The following PRKCE variants were observed in gnomAD, a reference collection of about 807,000 sequenced individuals.
The protein encoded by PRKCE is protein kinase C epsilon.
Under a neutral mutation model 85.4 loss-of-function variants are expected in PRKCE, and 16 were observed. That is an observed-to-expected ratio of 0.19 (90% CI 0.13 to 0.28). The LOEUF is 0.28. Ranked by LOEUF, PRKCE falls within the 10% of genes least tolerant of loss-of-function variation. PRKCE has a pLI of 1.00. For missense variants in PRKCE, 573 were observed against 975.2 expected (o/e 0.59, Z 5.49); for synonymous variants, 388 against 371.5 (o/e 1.04, Z -0.51).
intron 1 of PRKCE, among the ~76,000 whole-genome samples, chr2:45,803,575 C>T (rs1453248583): frequency 3.9e-5 from 6 of 152,102 alleles, no homozygotes; most frequent in Middle Eastern, 3.2e-3. Context: ...GGAGTGGTCA[C>T]GAGGATGCTT....
intron 11 of PRKCE, among the ~76,000 whole-genome samples, chr2:46,130,571 G>A (rs974784263): frequency 6.6e-6 from 1 of 152,174 alleles, no homozygotes; most frequent in Admixed American, 6.5e-5. Flanking sequence ...CTTTATTTCA[G>A]AATAGACTGC....
chr2:45,956,732 A>G (rs1323148591), intron 2 of PRKCE, among the ~76,000 whole-genome samples: 1 of 152,166 alleles, frequency 6.6e-6, no homozygotes. Context: ...AAGTGACAGG[A>G]CCATTTTGTA....
At chr2:45,683,120 A>T (rs1348838512) in intron 1 of PRKCE, among the ~76,000 whole-genome samples, 2 of 152,202 alleles carry the variant, frequency 1.3e-5, no homozygotes, top group Non-Finnish European at 2.9e-5. Flanking sequence ...GAATGAAAGG[A>T]TACTGGCTAG....
At chr2:45,736,779 T>C (rs1456203896) in intron 1 of PRKCE, among the ~76,000 whole-genome samples, 2 of 152,140 alleles carry the variant, frequency 1.3e-5, no homozygotes, top group Non-Finnish European at 2.9e-5. Flanking sequence ...GACATTTCTG[T>C]GGGAAGAATT....
chr2:46,060,974 C>A (rs968511281), intron 10 of PRKCE, among the ~76,000 whole-genome samples: 1 of 151,882 alleles, frequency 6.6e-6, no homozygotes, highest in African/African-American at 2.4e-5. Flanking sequence ...GTTGGCTAGG[C>A]TGGTCTTGAA....
In PRKCE at chr2:46,159,399, T is replaced by C. The variant is rs1677536266; in HGVS notation, c.1921-207T>C. On this transcript the variant is annotated intron_variant, in intron 13 of 14. Coordinates refer to ENST00000306156, the MANE Select transcript of PRKCE (RefSeq NM_005400.3). The surrounding 1 kb of genome is among the most constrained non-coding windows in gnomAD (Gnocchi z 4.1). ...CATTAGGATGAAATGAGTTGATACA[T>C]GTACCATGTCTAGAATGGTGTCTGG... Among the ~76,000 whole-genome samples, 1 of 152,234 alleles carries C rather than the reference T, an allele frequency of 6.6e-6. No homozygotes were observed. Among genetic ancestry groups the C allele is most frequent in the South Asian group, 2.1e-4 (1 of 4,830 alleles).
chr2:45,759,558 T>C (rs1684272381), intron 1 of PRKCE, among the ~76,000 whole-genome samples: 1 of 152,186 alleles, frequency 6.6e-6, no homozygotes, highest in Non-Finnish European at 1.5e-5. Flanking sequence ...GAGATGCCTG[T>C]TGTTCCTCAC....
chr2:45,872,625 A>G (rs907075460), intron 2 of PRKCE, among the ~76,000 whole-genome samples: 1 of 152,154 alleles, frequency 6.6e-6, no homozygotes, highest in Admixed American at 6.5e-5. Flanking sequence ...TAGGTTTTGG[A>G]TATATTTGAG....
chr2:45,974,551 G>T (rs1702314891), intron 2 of PRKCE, among the ~76,000 whole-genome samples: 1 of 152,206 alleles, frequency 6.6e-6, no homozygotes, highest in African/African-American at 2.4e-5. Context: ...CTGCCTGTTT[G>T]CTCAGAGGCT....
At chr2:46,150,473 T>G (rs1676511314) in intron 12 of PRKCE, among the ~76,000 whole-genome samples, 1 of 152,186 alleles carries the variant, frequency 6.6e-6, no homozygotes, top group African/African-American at 2.4e-5. Context: ...TGCAAGAGTA[T>G]AGTGGTCCTT....
rs112367586 is a variant in PRKCE, at chr2:45,958,622, C to T, written c.413-17807C>T. On this transcript the variant is annotated intron_variant, in intron 2 of 14. Coordinates refer to ENST00000306156, the MANE Select transcript of PRKCE (RefSeq NM_005400.3). ...AGATGTCCTGGCCTCTCACACACCC[C>T]CTATGCTCCCTGCCATATATATTGT... Among the ~76,000 whole-genome samples, 373 of 150,136 alleles carry T rather than the reference C, an allele frequency of 2.5e-3. 2 individuals are homozygous for T. The highest frequency in any genetic ancestry group is 8.7e-3 in the African/African-American group (357 of 41,096).
chr2:45,960,873 C>CTG (rs1225870932), intron 2 of PRKCE, among the ~76,000 whole-genome samples: 1 of 152,162 alleles, frequency 6.6e-6, no homozygotes, highest in Non-Finnish European at 1.5e-5. Context: ...GTTTTCCTAC[C>CTG]TGCCCAGCAC....
At chr2:46,045,197 A>G (rs1480890493) in intron 10 of PRKCE, among the ~76,000 whole-genome samples, 3 of 152,190 alleles carry the variant, frequency 2.0e-5, no homozygotes, top group African/African-American at 7.2e-5. Flanking sequence ...GGAACATTTA[A>G]TTTGAGTTAC....
At chr2:45,752,074 T>C (rs10189634) in intron 1 of PRKCE, among the ~76,000 whole-genome samples, 96,317 of 150,794 alleles carry the variant, frequency 0.64, 31,559 homozygotes, top group African/African-American at 0.79. Flanking sequence ...GCCTCGGCCT[T>C]CCAAAGTGCT....
At chr2:46,142,326 G>A (rs969312183) in intron 11 of PRKCE, among the ~76,000 whole-genome samples, 3 of 152,132 alleles carry the variant, frequency 2.0e-5, no homozygotes, top group Non-Finnish European at 4.4e-5. Context: ...TGGAACCGAA[G>A]ACCCCCAGAG....
At chr2:45,709,583 G>A (rs570617159) in intron 1 of PRKCE, among the ~76,000 whole-genome samples, 2 of 152,194 alleles carry the variant, frequency 1.3e-5, no homozygotes, top group African/African-American at 4.8e-5. Context: ...TCCCCATTCT[G>A]GATTCCAAGG....
intron 1 of PRKCE, among the ~76,000 whole-genome samples, chr2:45,692,791 C>G (rs1179788086): frequency 6.6e-6 from 1 of 152,120 alleles, no homozygotes; most frequent in Non-Finnish European, 1.5e-5. Context: ...ACATCTATCA[C>G]ATGATGTAGA....
intron 2 of PRKCE, among the ~76,000 whole-genome samples, chr2:45,867,040 G>T (rs1309736910): frequency 6.6e-6 from 1 of 152,182 alleles, no homozygotes. Flanking sequence ...TAGGGGTGGG[G>T]TCCAGGCCTC....
At chr2:45,858,270 T>C (rs1692839953) in intron 2 of PRKCE, among the ~76,000 whole-genome samples, 1 of 152,240 alleles carries the variant, frequency 6.6e-6, no homozygotes, top group Non-Finnish European at 1.5e-5. Flanking sequence ...GCTTTTATTT[T>C]TAATTTTTTT....
Sources: allele counts gnomAD v4.1 joint callset (sites outside exome capture counted in the v4.1 genomes callset), GRCh38; gene constraint gnomAD v4.1.1; non-coding constraint Gnocchi (gnomAD v3.1); transcripts MANE v1.5; gene names NCBI Gene and HGNC (gene_info 2026-07-23, HGNC 2026-07-21).